Variants in ATG10 observed in about 807,000 individuals in gnomAD.
ATG10 encodes the protein autophagy related 10.
ATG10 carries 30 observed loss-of-function variants against 32.1 expected under a neutral mutation model. That is an observed-to-expected ratio of 0.94 (90% CI 0.70 to 1.27). ATG10 has a LOEUF of 1.27. ATG10 is among the 50% of genes most tolerant of loss of function. ATG10 has a pLI of 0.00. For missense variants in ATG10, 233 were observed against 262.3 expected (o/e 0.89, Z 0.77); for synonymous variants, 87 against 91.5 (o/e 0.95, Z 0.28).
intron 5 of ATG10, among the ~76,000 whole-genome samples, chr5:82,216,911 T>C (rs981001628): frequency 6.6e-6 from 1 of 151,946 alleles, no homozygotes; most frequent in Non-Finnish European, 1.5e-5. Context: ...AAAAATCAGC[T>C]GGGTGTAGTG....
chr5:82,239,668 A>G (rs371330878), intron 5 of ATG10, among the ~76,000 whole-genome samples: 1 of 152,150 alleles, frequency 6.6e-6, no homozygotes, highest in Non-Finnish European at 1.5e-5. Flanking sequence ...GGTAAACTGT[A>G]TATAAATATT....
chr5:82,041,272 C>G (rs1329555630), intron 2 of ATG10, among the ~76,000 whole-genome samples: 3 of 152,098 alleles, frequency 2.0e-5, no homozygotes. Flanking sequence ...TGCTGTTTCC[C>G]ATATCAGAAT....
intron 3 of ATG10, among the ~76,000 whole-genome samples, chr5:82,141,809 T>A (rs1161221425): frequency 6.6e-6 from 1 of 151,206 alleles, no homozygotes; most frequent in Non-Finnish European, 1.5e-5. Flanking sequence ...TACACACACA[T>A]ACACACATAC....
chr5:82,026,063 T>G (rs1448939430), intron 2 of ATG10, among the ~76,000 whole-genome samples: 1 of 152,228 alleles, frequency 6.6e-6, no homozygotes, highest in African/African-American at 2.4e-5. Context: ...CATTGCTATG[T>G]AACCATCAGC....
intron 2 of ATG10, among the ~76,000 whole-genome samples, chr5:82,023,295 A>G (rs1350165468): frequency 6.6e-6 from 1 of 152,042 alleles, no homozygotes; most frequent in Non-Finnish European, 1.5e-5. Context: ...GTTTGCTTGT[A>G]TTTTTTAAAA....
intron 2 of ATG10, among the ~76,000 whole-genome samples, chr5:82,023,057 TC>T (rs113341531): frequency 0.083 from 12,533 of 150,530 alleles, 783 homozygotes; most frequent in African/African-American, 0.18. Context: ...TTCTCAATGC[TC>T]CCCCCCTGCC....
intron 1 of ATG10, among the ~76,000 whole-genome samples, chr5:81,980,468 G>C (rs1350303799): frequency 6.6e-6 from 1 of 152,052 alleles, no homozygotes; most frequent in Non-Finnish European, 1.5e-5. Flanking sequence ...ACACTTGGAA[G>C]CTGGAGGAAT....
At chr5:82,249,015 A>G (rs1273590204) in intron 5 of ATG10, among the ~76,000 whole-genome samples, 1 of 152,100 alleles carries the variant, frequency 6.6e-6, no homozygotes, top group Non-Finnish European at 1.5e-5. Flanking sequence ...CTTCAAAGGC[A>G]TGAAAGTCTC....
intron 2 of ATG10, among the ~76,000 whole-genome samples, chr5:81,993,383 CTTTTCTTTTTTTTTCT>C (rs1347791431): frequency 1.2e-5 from 1 of 85,280 alleles, no homozygotes; most frequent in African/African-American, 4.8e-5. Context: ...CTTTTCTTTT[CTTTTCTTTTTTTTTCT>C]TTTCTTTTCT....
chr5:82,201,646 T>G (rs1745073149), intron 5 of ATG10, among the ~76,000 whole-genome samples: 1 of 152,222 alleles, frequency 6.6e-6, no homozygotes, highest in African/African-American at 2.4e-5. Flanking sequence ...TCTGTGTAAA[T>G]TTTTGAATCA....
intron 3 of ATG10, among the ~76,000 whole-genome samples, chr5:82,071,645 G>T (rs549141780): frequency 1.3e-5 from 2 of 152,114 alleles, no homozygotes; most frequent in African/African-American, 4.8e-5. Context: ...ATGGTGATAC[G>T]TGTAGAGGGT....
chr5:81,972,853 T>G (rs764051745), intron 1 of ATG10, among the ~76,000 whole-genome samples: 2 of 152,116 alleles, frequency 1.3e-5, no homozygotes, highest in Non-Finnish European at 2.9e-5. Flanking sequence ...TTATAGAAAC[T>G]TTTAGTGGCG....
At chr5:82,131,137 TC>T in intron 3 of ATG10, among the ~76,000 whole-genome samples, 1 of 152,182 alleles carries the variant, frequency 6.6e-6, no homozygotes, top group South Asian at 2.1e-4. Flanking sequence ...GGTCACGGGA[TC>T]CATACTCCAA....
chr5:81,987,750 A>C (rs1314898463), intron 2 of ATG10, 72 bp downstream of exon 2: 2 of 1,105,122 alleles, frequency 1.8e-6, no homozygotes, highest in East Asian at 4.8e-5. Context: ...GTTTGTTGAC[A>C]GGTAAAACCT....
At chr5:82,159,957 A>C (rs1163764394) in intron 3 of ATG10, among the ~76,000 whole-genome samples, 2 of 152,172 alleles carry the variant, frequency 1.3e-5, no homozygotes, top group African/African-American at 4.8e-5. Flanking sequence ...ACTTCTTCTA[A>C]AACTATAGTA....
chr5:82,001,055 C>T (rs887709811), intron 2 of ATG10, among the ~76,000 whole-genome samples: 5 of 152,082 alleles, frequency 3.3e-5, no homozygotes, highest in African/African-American at 1.2e-4. Flanking sequence ...GAGTAAAATA[C>T]CTAGGAATAC....
chr5:82,080,306 G>A (rs1270892296), intron 3 of ATG10, among the ~76,000 whole-genome samples: 3 of 152,116 alleles, frequency 2.0e-5, no homozygotes, highest in African/African-American at 2.4e-5. Flanking sequence ...CTCCCATTTT[G>A]TAGGTTGCCT....
In ATG10 at chr5:82,067,981, G is replaced by A. The variant is rs1042162344; in HGVS notation, c.216+9379G>A. On this transcript the variant is annotated intron_variant, in intron 3 of 7. Transcript: ENST00000282185. ...ATGTTTCTGTACAAAAATCGGACAG[G>A]CTTTCATTGTGGAGCATTTATGTCC... Among the ~76,000 whole-genome samples the A allele has an allele frequency of 3.4e-4, 52 of 152,154 alleles. 1 individual carries two copies. Among genetic ancestry groups the A allele is most frequent in the Admixed American group, 3.1e-3 (47 of 15,252 alleles).
chr5:82,215,187 G>A (rs182479573), intron 5 of ATG10, among the ~76,000 whole-genome samples: 1 of 152,216 alleles, frequency 6.6e-6, no homozygotes, highest in East Asian at 1.9e-4. Flanking sequence ...CAGGCTCTTG[G>A]ACTGAGAGGC....
Sources: allele counts gnomAD v4.1 joint callset (sites outside exome capture counted in the v4.1 genomes callset), GRCh38; gene constraint gnomAD v4.1.1; transcripts MANE v1.5; gene names NCBI Gene and HGNC (gene_info 2026-07-23, HGNC 2026-07-21).